The following HPGDS variants were observed in gnomAD, a reference collection of about 807,000 sequenced individuals.
HPGDS encodes hematopoietic prostaglandin D synthase.
In HPGDS, 26 loss-of-function variants were observed where a neutral mutation model predicts 23.1. The observed-to-expected ratio is 1.13, with a 90% CI of 0.83 to 1.56. The LOEUF is 1.56. Among genes scored for constraint, HPGDS ranks in the 40% most tolerant of loss-of-function variants. The probability of loss-of-function intolerance (pLI) is 0.00; values close to 1 mark genes in which losing one functional copy is unlikely to be tolerated. For missense variants in HPGDS, 268 were observed against 236.4 expected, an observed-to-expected ratio of 1.13 and a Z score of -0.88; for synonymous variants, 95 against 77.9, an observed-to-expected ratio of 1.22 and a Z score of -1.16.
intron 1 of HPGDS, among the ~76,000 whole-genome samples, chr4:94,336,844 T>C (rs143235939): frequency 7.9e-5 from 12 of 152,310 alleles, no homozygotes; most frequent in Admixed American, 2.6e-4. Flanking sequence ...AAAAGCATGA[T>C]AGTTATAATT....
At chr4:94,302,901 T>C (rs890437838) in intron 4 of HPGDS, among the ~76,000 whole-genome samples, 1 of 152,124 alleles carries the variant, frequency 6.6e-6, no homozygotes, top group African/African-American at 2.4e-5. Flanking sequence ...TTTTTAATTG[T>C]CATCATTTTT....
chr4:94,334,439 G>A, intron 2 of HPGDS, 58 bp downstream of exon 2: 1 of 1,420,576 alleles, frequency 7.0e-7, no homozygotes, highest in Non-Finnish European at 9.4e-7. Flanking sequence ...TTTCCCTGAG[G>A]AAAAACAAAA....
chr4:94,317,779 T>C, intron 3 of HPGDS, 94 bp downstream of exon 3: 7 of 713,356 alleles, frequency 9.8e-6, no homozygotes, highest in South Asian at 3.5e-5. Flanking sequence ...ATTTGTACTA[T>C]AGTATGCTAT....
chr4:94,302,267 C>CT (rs2126034427), intron 4 of HPGDS, 23 bp from the exon 5 acceptor site: 1 of 1,513,108 alleles, frequency 6.6e-7, no homozygotes, highest in Non-Finnish European at 9.2e-7. Context: ...GAAAATATCA[C>CT]TTTAAGAATA....
intron 5 of HPGDS, among the ~76,000 whole-genome samples, chr4:94,300,237 G>A (rs1040229218): frequency 5.3e-5 from 8 of 152,178 alleles, no homozygotes; most frequent in African/African-American, 1.7e-4. Context: ...ATAATTTCAA[G>A]TGAAATATTT....
chr4:94,333,641 C>T (rs1756769835), intron 2 of HPGDS, among the ~76,000 whole-genome samples: 1 of 152,146 alleles, frequency 6.6e-6, no homozygotes. Flanking sequence ...AGATTCCTTT[C>T]AACTCTGAAA....
At chr4:94,319,134 T>A (rs1007432314) in intron 2 of HPGDS, among the ~76,000 whole-genome samples, 1 of 152,320 alleles carries the variant, frequency 6.6e-6, no homozygotes. Flanking sequence ...AGGGAAGTGT[T>A]GACATCTCCA....
chr4:94,340,307 TTCTC>T (rs1283432254), intron 1 of HPGDS, among the ~76,000 whole-genome samples: 2,122 of 44,570 alleles, frequency 0.048, 100 homozygotes, highest in Non-Finnish European at 0.069. Flanking sequence ...CTTTCTTTCT[TTCTC>T]TTTTTTTTTT....
chr4:94,308,876 T>A, intron 3 of HPGDS, 133 bp from the exon 4 acceptor site: 1 of 485,300 alleles, frequency 2.1e-6, no homozygotes, highest in Non-Finnish European at 3.7e-6. Flanking sequence ...CTAGCTTCCA[T>A]CCACCACATT....
chr4:94,304,832 C>G (rs947875303), intron 4 of HPGDS, among the ~76,000 whole-genome samples: 1 of 151,848 alleles, frequency 6.6e-6, no homozygotes, highest in African/African-American at 2.4e-5. Flanking sequence ...CATAAATGTT[C>G]GAAGAATATT....
At chr4:94,325,431 G>A (rs1004234246) in intron 2 of HPGDS, among the ~76,000 whole-genome samples, 1 of 152,268 alleles carries the variant, frequency 6.6e-6, no homozygotes, top group Non-Finnish European at 1.5e-5. Flanking sequence ...GCTGCAGTAG[G>A]CTCCACCCAG....
At chr4:94,329,051 A>G (rs562467181) in intron 2 of HPGDS, among the ~76,000 whole-genome samples, 2 of 152,222 alleles carry the variant, frequency 1.3e-5, no homozygotes, top group South Asian at 2.1e-4. Flanking sequence ...CAAAGTCTCA[A>G]ATGAAATTGA....
At chr4:94,313,834 T>C (rs1224852178) in intron 3 of HPGDS, among the ~76,000 whole-genome samples, 9 of 152,190 alleles carry the variant, frequency 5.9e-5, no homozygotes, top group African/African-American at 2.2e-4. Context: ...GCTTTGTTCA[T>C]TTCTTTTTAT....
chr4:94,308,474 T>G (rs1486256044), intron 4 of HPGDS, among the ~76,000 whole-genome samples, 160 bp downstream of exon 4: 1 of 152,108 alleles, frequency 6.6e-6, no homozygotes, highest in Non-Finnish European at 1.5e-5. Flanking sequence ...AGGGGTACAA[T>G]AGGGAATTGC....
chr4:94,341,705 A>G (rs1721177948), intron 1 of HPGDS, among the ~76,000 whole-genome samples: 1 of 152,178 alleles, frequency 6.6e-6, no homozygotes, highest in African/African-American at 2.4e-5. Context: ...AAAAACAAAG[A>G]TTACTTGTGA....
At chr4:94,319,397 A>C (rs562901289) in intron 2 of HPGDS, among the ~76,000 whole-genome samples, 24 of 151,758 alleles carry the variant, frequency 1.6e-4, no homozygotes, top group African/African-American at 5.8e-4. Context: ...TTTTTAGTCT[A>C]TGTGTGTCTT....
At chr4:94,342,050 G>T (rs1293034446) in intron 1 of HPGDS, among the ~76,000 whole-genome samples, 2 of 152,256 alleles carry the variant, frequency 1.3e-5, no homozygotes, top group African/African-American at 2.4e-5. Flanking sequence ...GGACAATAGA[G>T]AAATAGAAGA....
At chr4:94,333,218 T>G (rs1399043353) in intron 2 of HPGDS, among the ~76,000 whole-genome samples, 1 of 152,194 alleles carries the variant, frequency 6.6e-6, no homozygotes, top group Non-Finnish European at 1.5e-5. Context: ...GTAGTACCTG[T>G]TCTTTCCTTT....
chr4:94,306,688 C>G (rs567735058), intron 4 of HPGDS, among the ~76,000 whole-genome samples: 5 of 152,116 alleles, frequency 3.3e-5, no homozygotes, highest in Admixed American at 6.6e-5. Flanking sequence ...CGGAAAACAG[C>G]CTAAGAATTT....
Sources: gnomAD v4.1 joint callset for allele counts (sites outside exome capture counted in the v4.1 genomes callset) on GRCh38, gnomAD v4.1.1 for gene constraint, MANE v1.5 for transcripts, NCBI Gene and HGNC (gene_info 2026-07-23, HGNC 2026-07-21) for gene names.